The following MVD variants were observed in gnomAD, a reference collection of about 807,000 sequenced individuals.
MVD encodes diphosphomevalonate decarboxylase.
A neutral mutation model predicts 42.4 loss-of-function variants in MVD; 52 were observed. The observed-to-expected ratio is 1.23, with a 90% confidence interval of 0.98 to 1.55. MVD has a LOEUF of 1.55. MVD is among the 40% of genes most tolerant of loss of function. The pLI, the probability that MVD is intolerant of heterozygous loss-of-function variation, is 0.00. For missense variants in MVD, 663 were observed against 572.1 expected (o/e 1.16, Z -1.62); for synonymous variants, 287 against 243.2 (o/e 1.18, Z -1.68).
Position 88,655,246 on chromosome 16 carries a change from T to C in MVD, c.850A>G (p.Ile284Val), listed in dbSNP as rs771425645. 1.9e-6 allele frequency: 3 copies of C among 1,584,876 alleles called. No individual in the cohort carries two copies. The highest frequency in any genetic ancestry group is 1.7e-4 in the Middle Eastern group (1 of 6,034). Residue 284 changes from isoleucine (I) to valine (V), a missense_variant, in exon 7 of 10, where the codon ATC becomes GTC. Ile to Val is a conservative substitution (Grantham distance 29, BLOSUM62 3). Coordinates refer to ENST00000301012, the MANE Select transcript of MVD (RefSeq NM_002461.3). ...ISYLNAISWR[I>V]IHLVHRFNAH... is the part of the protein sequence containing the mutation. ...TTGAAGCGGTGCACCAGGTGGATGA[T>C]GCGCCAGGAGATGGCATTGAGGTAA... is the stretch of plus-strand genomic sequence containing the variant.
intron 9 of MVD, 49 bp from the exon 10 acceptor site, chr16:88,652,654 C>T (rs374894430): frequency 6.6e-7 from 1 of 1,508,042 alleles, no homozygotes; most frequent in Non-Finnish European, 9.0e-7. Flanking sequence ...AGCGCCTCAT[C>T]CTGTGCCCAG....
rs1017767992 is a variant in MVD at position 88,652,199 on chromosome 16, C to A, written c.*326G>T. On this transcript the variant is annotated 3_prime_UTR_variant, in exon 10 of 10. Coordinates refer to ENST00000301012, the MANE Select transcript of MVD (RefSeq NM_002461.3). ...CCACCTCCCCACTGAGCTCCTTTCT[C>A]AGAGAACTGGGCATAGCCAGAGCTG... The A allele has an allele frequency of 1.8e-4, 86 of 467,612 alleles. No homozygotes were observed. The highest frequency in any genetic ancestry group is 7.1e-5 in the Non-Finnish European group (18 of 254,584). 29.0% of individuals were successfully genotyped at this position (467,612 alleles called of 1,614,324 possible).
chr16:88,662,869 G>A (rs1017218351), intron 1 of MVD, 142 bp downstream of exon 1: 2 of 1,442,832 alleles, frequency 1.4e-6, no homozygotes, highest in Middle Eastern at 2.1e-4. Flanking sequence ...CCACCGCCGC[G>A]CCCCTCCCTG....
chr16:88,656,014 G>C, intron 5 of MVD, 91 bp downstream of exon 5: 2 of 1,485,854 alleles, frequency 1.3e-6, no homozygotes, highest in Non-Finnish European at 1.8e-6. Context: ...AGCAAAGCCT[G>C]GATGGACGCC....
At chr16:88,662,802 G>T in intron 1 of MVD, 2 of 1,473,232 alleles carry the variant, frequency 1.4e-6, no homozygotes, top group Non-Finnish European at 1.8e-6. Context: ...GGCAGCCGTC[G>T]CGGGGGAACG....
chr16:88,661,304 T>C (rs2142913640), intron 1 of MVD, among the ~76,000 whole-genome samples: 1 of 152,288 alleles, frequency 6.6e-6, no homozygotes, highest in Non-Finnish European at 1.5e-5. Context: ...TGGCTCTTTG[T>C]TAAGAGGACA....
chr16:88,655,960 A>C, intron 5 of MVD, 145 bp downstream of exon 5: 4 of 1,248,162 alleles, frequency 3.2e-6, no homozygotes, highest in Non-Finnish European at 4.4e-6. Context: ...CTGAGCACTC[A>C]ACCACGCTTC....
intron 1 of MVD, among the ~76,000 whole-genome samples, chr16:88,661,939 G>GGC (rs1555543941): frequency 2.8e-4 from 9 of 32,544 alleles, no homozygotes; most frequent in East Asian, 9.5e-4. Context: ...TATCTATACA[G>GGC]GTGTATATAT....
intron 1 of MVD, chr16:88,659,266 G>A: frequency 5.7e-6 from 1 of 173,936 alleles, no homozygotes; most frequent in South Asian, 1.2e-4. Flanking sequence ...CATCTGCTCG[G>A]TTTTGTGCGA....
intron 7 of MVD, 104 bp from the exon 8 acceptor site, chr16:88,654,911 C>T (rs1907809298): frequency 8.5e-7 from 1 of 1,178,922 alleles, no homozygotes; most frequent in Non-Finnish European, 1.2e-6. Context: ...AGAGCTCAGT[C>T]TAGGCCCTCA....
At position 88,658,001 on chromosome 16, in the gene MVD, C is replaced by G. The variant is rs773279830; in HGVS notation, c.170G>C (p.Ser57Thr). 2.0e-5 allele frequency: 33 copies of G among 1,613,972 alleles called. No homozygotes were observed. The highest frequency in any genetic ancestry group is 2.7e-5 in the African/African-American group (2 of 74,954). Reference protein sequence around the residue: ...QLKTTTTAVISKDFTEDRIWL... With the variant: ...QLKTTTTAVITKDFTEDRIWL... Reference sequence around the variant, plus strand: ...AATCCGGTCCTCGGTGAAGTCCTTGCTGATGACGGCTGTTGTGGTGGTTTT... The same window carrying G: ...AATCCGGTCCTCGGTGAAGTCCTTGGTGATGACGGCTGTTGTGGTGGTTTT... Residue 57 changes from serine (S) to threonine (T), a missense_variant, in exon 3 of 10, where the codon AGC becomes ACC. Transcript: ENST00000301012.
At chr16:88,661,454 C>T (rs1335409153) in intron 1 of MVD, among the ~76,000 whole-genome samples, 1 of 152,014 alleles carries the variant, frequency 6.6e-6, no homozygotes, top group African/African-American at 2.4e-5. Flanking sequence ...AAACTCCTGA[C>T]CTCAGGTGAT....
chr16:88,662,482 G>C (rs960252924), intron 1 of MVD, among the ~76,000 whole-genome samples: 1 of 152,236 alleles, frequency 6.6e-6, no homozygotes, highest in Admixed American at 6.5e-5. Context: ...CACAGGTGCG[G>C]ACCGGCCTCC....
At chr16:88,655,529 C>T in intron 6 of MVD, 112 bp from the exon 7 acceptor site, 1 of 1,506,454 alleles carries the variant, frequency 6.6e-7, no homozygotes, top group Non-Finnish European at 8.9e-7. Flanking sequence ...CTGCATTTGG[C>T]TCCTGCACGT....
chr16:88,652,377 C>G lies in MVD; in HGVS notation c.*148G>C, dbSNP rs1407110719. The G allele has an allele frequency of 1.2e-6, 1 of 864,378 alleles. No homozygotes were observed. Among genetic ancestry groups the G allele is most frequent in the African/African-American group, 1.7e-5 (1 of 60,208 alleles). The allele number at this position is 864,378 out of a possible 1,614,324, so 53.5% of individuals were successfully genotyped here. A position where few individuals can be genotyped will look rare whatever the true frequency, so the allele number is the denominator to read the frequency against. ...GACACCTGGGCGGCCGCAGGACTCC[C>G]TGCACTGCCCCACAGCAAGCTGCCC... On this transcript the variant is annotated 3_prime_UTR_variant, in exon 10 of 10. Transcript: ENST00000301012.
In MVD at chr16:88,657,524, G is replaced by C; in HGVS notation, c.315C>G (p.Ser105Arg). The change falls in exon 4 of 10, where the codon AGC becomes AGG. Residue 105 changes from serine to arginine, a missense_variant. Ser to Arg is a moderately radical substitution (Grantham distance 110). Coordinates refer to ENST00000301012, the MANE Select transcript of MVD (RefSeq NM_002461.3). ...ATGCCACGTGCACCTTGCAGCTGAG[G>C]CTGGAGGGCAGCGGGTCCCCATCCC... ...NSRDGDPLPS[S>R]LSCKVHVASV... The C allele has an allele frequency of 6.2e-7, 1 of 1,612,820 alleles. No homozygotes were observed. The highest frequency in any genetic ancestry group is 8.5e-7 in the Non-Finnish European group (1 of 1,179,944).
intron 5 of MVD, 49 bp from the exon 6 acceptor site, chr16:88,655,779 C>G (rs1232260213): frequency 1.3e-6 from 2 of 1,539,482 alleles, no homozygotes; most frequent in East Asian, 4.9e-5. Flanking sequence ...GGGGCCAGCC[C>G]CAAGGACCTC....
At chr16:88,662,803 C>CG in intron 1 of MVD, 1 of 1,472,082 alleles carries the variant, frequency 6.8e-7, no homozygotes, top group East Asian at 2.9e-5. Context: ...GCAGCCGTCG[C>CG]GGGGGAACGG....
In MVD at chr16:88,653,358, T is replaced by A. The variant is rs200190764; in HGVS notation, c.1064A>T (p.Gln355Leu). The change falls in exon 9 of 10, where the codon CAG becomes CTG. Residue 355 changes from glutamine (Q) to leucine (L), a missense_variant. Transcript: ENST00000301012. ...GGTCGGCTCCATGGCCAGCGCAGCC[T>A]GAAGCTCAGCTGAGAGAGGGGCCGG... ...VRPAPLSAEL[Q>L]AALAMEPTPG... 43 of 1,598,880 alleles carry A rather than the reference T, an allele frequency of 2.7e-5. No individual in the cohort carries two copies. In the East Asian group the frequency reaches 9.4e-4, roughly 35 times the overall value.
Sources: gnomAD v4.1 joint callset for allele counts (sites outside exome capture counted in the v4.1 genomes callset) on GRCh38, gnomAD v4.1.1 for gene constraint, MANE v1.5 for transcripts, NCBI Gene and HGNC (gene_info 2026-07-23, HGNC 2026-07-21) for gene names.